WDR72: variants seen among roughly 807,000 people sequenced by gnomAD.
WDR72 encodes the protein WD repeat-containing protein 72.
A neutral mutation model predicts 124.2 loss-of-function variants in WDR72; 120 were observed. The observed-to-expected ratio is 0.97, with a 90% confidence interval of 0.83 to 1.12. WDR72 has a LOEUF of 1.12. Among genes scored for constraint, WDR72 ranks in the 50% most tolerant of loss-of-function variants. The pLI is 0.00. For synonymous variants in WDR72, 452 were observed against 441.7 expected, an observed-to-expected ratio of 1.02 and a Z score of -0.29; for missense variants, 1,387 against 1,278.8, an observed-to-expected ratio of 1.08 and a Z score of -1.29.
chr15:53,630,576 A>G (rs2014387174), intron 14 of WDR72, among the ~76,000 whole-genome samples: 1 of 152,162 alleles, frequency 6.6e-6, no homozygotes, highest in Non-Finnish European at 1.5e-5. Flanking sequence ...CCATTAACAT[A>G]ACGTATCATA....
intron 13 of WDR72, among the ~76,000 whole-genome samples, chr15:53,666,394 G>C (rs954423713): frequency 2.0e-5 from 3 of 151,942 alleles, no homozygotes; most frequent in Non-Finnish European, 4.4e-5. Context: ...TAGGAGTGCT[G>C]TCAAGTTCAA....
chr15:53,730,136 A>C (rs1004440890), intron 2 of WDR72, among the ~76,000 whole-genome samples: 1 of 152,212 alleles, frequency 6.6e-6, no homozygotes, highest in African/African-American at 2.4e-5. Flanking sequence ...TCCATAGATG[A>C]ACAGATAAAC....
intron 16 of WDR72, among the ~76,000 whole-genome samples, chr15:53,612,642 T>C (rs150437600): frequency 2.2e-4 from 34 of 152,062 alleles, no homozygotes; most frequent in African/African-American, 7.2e-4. Flanking sequence ...TGGGGGTGTA[T>C]ATGTGATGAC....
intron 18 of WDR72, among the ~76,000 whole-genome samples, chr15:53,566,867 T>C (rs1456566130): frequency 1.3e-5 from 2 of 151,964 alleles, no homozygotes; most frequent in Admixed American, 6.6e-5. Context: ...CAGGAAAGAA[T>C]AGGTTACTGG....
intron 18 of WDR72, among the ~76,000 whole-genome samples, chr15:53,531,674 C>T (rs762815043): frequency 6.6e-6 from 1 of 151,846 alleles, no homozygotes; most frequent in Non-Finnish European, 1.5e-5. Flanking sequence ...CAAACATGCA[C>T]GTGGATAAAG....
intron 19 of WDR72, among the ~76,000 whole-genome samples, chr15:53,521,719 C>T (rs867437693): frequency 6.6e-6 from 1 of 151,950 alleles, no homozygotes; most frequent in African/African-American, 2.4e-5. Flanking sequence ...CTATTCTTAT[C>T]AAAAACAATG....
At chr15:53,638,655 A>T (rs2140407021) in intron 14 of WDR72, among the ~76,000 whole-genome samples, 1 of 150,236 alleles carries the variant, frequency 6.7e-6, no homozygotes, top group East Asian at 1.9e-4. Flanking sequence ...AAATCAGAAA[A>T]TTTTTCTAAC....
rs377149818 is a variant in WDR72 at position 53,710,853 on chromosome 15, T to A, written c.954+4A>T. The A allele has an allele frequency of 3.1e-6, 5 of 1,607,372 alleles. No homozygotes were observed. The highest frequency in any genetic ancestry group is 4.3e-6 in the Non-Finnish European group (5 of 1,174,060). Reference sequence around the variant, plus strand: ...TTGAGGCAGTCACTCTTTTCTTGCATTACCTTATTTTCCTGCACAGAAGTA... The same window carrying A: ...TTGAGGCAGTCACTCTTTTCTTGCAATACCTTATTTTCCTGCACAGAAGTA... On this transcript the variant is annotated splice_donor_region_variant and intron_variant, in intron 9 of 19. Transcript: ENST00000360509.
At chr15:53,607,968 C>A (rs552468998) in intron 17 of WDR72, among the ~76,000 whole-genome samples, 32 of 152,236 alleles carry the variant, frequency 2.1e-4, no homozygotes, top group African/African-American at 7.7e-4. Flanking sequence ...TATCATGTCA[C>A]CCCAGTTAAA....
rs192516335 is a variant in WDR72, at chr15:53,644,089, C to T, written c.1962+21483G>A. ...AATTTCTATTGTGATTTGATGAAAACAGTGTATCCATCAGCCTTGAAATCA... is the reference window on the plus strand; with the variant it reads ...AATTTCTATTGTGATTTGATGAAAATAGTGTATCCATCAGCCTTGAAATCA... On this transcript the variant is annotated intron_variant, in intron 14 of 19. Coordinates refer to ENST00000360509, the MANE Select transcript of WDR72 (RefSeq NM_182758.4). Among the ~76,000 whole-genome samples, 320 of 152,204 alleles carry T rather than the reference C, an allele frequency of 2.1e-3. 4 individuals carry two copies. Among genetic ancestry groups the T allele is most frequent in the African/African-American group, 7.5e-3 (313 of 41,548 alleles).
rs1595800635 is a variant in WDR72, at chr15:53,622,918, A to C, written c.1963-6675T>G. Among the ~76,000 whole-genome samples, 11 of 152,164 alleles carry C rather than the reference A, an allele frequency of 7.2e-5. No homozygotes were observed. The South Asian group carries it at 2.3e-3, about 31-fold the overall frequency. ...GCTGCATTGATCAAATTAAACTTAA[A>C]AGCATAAGAACAAAATTCACAAGAT... On this transcript the variant is annotated intron_variant, in intron 14 of 19. Transcript: ENST00000360509.
At chr15:53,676,836 G>A (rs2016189919) in intron 13 of WDR72, among the ~76,000 whole-genome samples, 1 of 151,978 alleles carries the variant, frequency 6.6e-6, no homozygotes, top group South Asian at 2.1e-4. Context: ...ATATAACCAG[G>A]ACTTGTGGCA....
intron 14 of WDR72, among the ~76,000 whole-genome samples, chr15:53,630,811 T>G (rs2014397145): frequency 6.6e-6 from 1 of 152,174 alleles, no homozygotes; most frequent in African/African-American, 2.4e-5. Flanking sequence ...GACAAGTATG[T>G]CCTTTCTTGT....
chr15:53,759,969 T>C (rs1362229982), upstream of WDR72, among the ~76,000 whole-genome samples: 1 of 149,748 alleles, frequency 6.7e-6, no homozygotes, highest in Non-Finnish European at 1.5e-5. Context: ...AGAGCCCAGG[T>C]GACGTGAACT....
At chr15:53,647,373 C>T (rs944279255) in intron 14 of WDR72, among the ~76,000 whole-genome samples, 2 of 151,930 alleles carry the variant, frequency 1.3e-5, no homozygotes, top group South Asian at 2.1e-4. Context: ...ATACTGTTTA[C>T]AAAGAATTCA....
At chr15:53,707,909 T>G (rs1388240911) in intron 9 of WDR72, among the ~76,000 whole-genome samples, 1 of 152,182 alleles carries the variant, frequency 6.6e-6, no homozygotes, top group African/African-American at 2.4e-5. Context: ...GTTATTCTGA[T>G]TTGAAAAGGA....
chr15:53,696,905 T>C (rs946983725), intron 13 of WDR72, among the ~76,000 whole-genome samples: 2 of 152,148 alleles, frequency 1.3e-5, no homozygotes, highest in African/African-American at 4.8e-5. Flanking sequence ...TCACAGGGTG[T>C]TGTAAGGCTC....
At chr15:53,714,729 A>G (rs1014066140) in intron 5 of WDR72, among the ~76,000 whole-genome samples, 2 of 152,214 alleles carry the variant, frequency 1.3e-5, no homozygotes, top group Admixed American at 1.3e-4. Context: ...GAGCACCACT[A>G]GAAGCAGAAC....
intron 6 of WDR72, 61 bp from the exon 7 acceptor site, chr15:53,712,952 A>AAG: frequency 6.3e-7 from 1 of 1,585,748 alleles, no homozygotes; most frequent in Non-Finnish European, 8.6e-7. Flanking sequence ...CAGCCATGAG[A>AAG]AGACCTGCTT....
Sources: allele counts gnomAD v4.1 joint callset (sites outside exome capture counted in the v4.1 genomes callset), GRCh38; gene constraint gnomAD v4.1.1; transcripts MANE v1.5; gene names NCBI Gene and HGNC (gene_info 2026-07-23, HGNC 2026-07-21).